Variants in GXYLT2 observed in about 807,000 individuals in gnomAD.
GXYLT2 encodes the protein glycosyltransferase 8 domain containing 4.
A neutral mutation model predicts 45.8 loss-of-function variants in GXYLT2; 53 were observed. The ratio of observed to expected loss-of-function variants is 1.16; its 90% CI spans 0.93 to 1.46. The LOEUF is 1.46. Among genes scored for constraint, GXYLT2 ranks in the 40% most tolerant of loss-of-function variants. GXYLT2 has a pLI of 0.00. For synonymous variants in GXYLT2, 219 were observed against 214.2 expected (o/e 1.02, Z -0.19); for missense variants, 551 against 544.4 (o/e 1.01, Z -0.12).
At chr3:72,913,644 A>G (rs1041655725) in intron 2 of GXYLT2, among the ~76,000 whole-genome samples, 4 of 152,038 alleles carry the variant, frequency 2.6e-5, no homozygotes, top group African/African-American at 7.2e-5. Context: ...GCAGTGAGCC[A>G]AGATTACGCC....
At chr3:72,920,819 T>TATATATA (rs1491486551) in intron 2 of GXYLT2, among the ~76,000 whole-genome samples, 4 of 96,554 alleles carry the variant, frequency 4.1e-5, no homozygotes, top group African/African-American at 2.7e-4. Flanking sequence ...TATATATGTA[T>TATATATA]TTTTTTTTTT....
At chr3:72,955,423 T>A (rs1215483411) in intron 4 of GXYLT2, 74 bp downstream of exon 4, 1 of 1,480,478 alleles carries the variant, frequency 6.8e-7, no homozygotes, top group African/African-American at 1.4e-5. Flanking sequence ...TACCAGAGTG[T>A]CAATATGCTG....
chr3:72,916,572 C>G (rs529465945), intron 2 of GXYLT2, among the ~76,000 whole-genome samples: 164 of 152,204 alleles, frequency 1.1e-3, no homozygotes, highest in African/African-American at 3.8e-3. Flanking sequence ...TAGAGTCTCG[C>G]TCTGTTGCCC....
intron 2 of GXYLT2, among the ~76,000 whole-genome samples, chr3:72,918,001 A>G (rs528983389): frequency 2.6e-4 from 39 of 152,182 alleles, no homozygotes; most frequent in Non-Finnish European, 4.7e-4. Flanking sequence ...GAGTTGACCA[A>G]TGTTTCCTGG....
At chr3:72,949,341 C>T (rs1161677203) in intron 3 of GXYLT2, among the ~76,000 whole-genome samples, 1 of 152,008 alleles carries the variant, frequency 6.6e-6, no homozygotes, top group Non-Finnish European at 1.5e-5. Flanking sequence ...GATGTCACTT[C>T]TGCTGGGAAG....
intron 1 of GXYLT2, among the ~76,000 whole-genome samples, chr3:72,889,907 G>GTTTTTTTTTTTTTT (rs5850087): frequency 8.4e-5 from 10 of 118,792 alleles, no homozygotes; most frequent in South Asian, 3.0e-4. Flanking sequence ...TTTTTTTTTT[G>GTTTTTTTTTTTTTT]TTTTTTTTTT....
chr3:72,972,663 A>C (rs1055269955), intron 6 of GXYLT2, among the ~76,000 whole-genome samples: 6 of 131,844 alleles, frequency 4.6e-5, no homozygotes, highest in Non-Finnish European at 6.6e-5. Context: ...AAAAAAAAAG[A>C]AGCATATATT....
At chr3:72,958,260 G>A (rs1427244141) in intron 5 of GXYLT2, among the ~76,000 whole-genome samples, 5 of 142,740 alleles carry the variant, frequency 3.5e-5, no homozygotes, top group African/African-American at 1.3e-4. Context: ...GCAACAGAGC[G>A]AGACTCTGTC....
At chr3:72,891,682 A>T (rs892726505) in intron 1 of GXYLT2, among the ~76,000 whole-genome samples, 1 of 152,240 alleles carries the variant, frequency 6.6e-6, no homozygotes, top group African/African-American at 2.4e-5. Context: ...GTCTAAGACA[A>T]CGTATAGTAA....
chr3:72,961,359 C>T (rs1410622342), intron 5 of GXYLT2, among the ~76,000 whole-genome samples: 1 of 152,114 alleles, frequency 6.6e-6, no homozygotes, highest in Non-Finnish European at 1.5e-5. Context: ...TAAGTGAGGG[C>T]AGATACTGTA....
At chr3:72,941,870 G>C (rs1282889786) in intron 3 of GXYLT2, among the ~76,000 whole-genome samples, 1 of 152,052 alleles carries the variant, frequency 6.6e-6, no homozygotes, top group Non-Finnish European at 1.5e-5. Context: ...TCCTAGCTCT[G>C]TCTACTGTTA....
In GXYLT2 at chr3:72,947,958, A is replaced by AT. The variant is rs533727825; in HGVS notation, c.601-7139dup. 3.1e-3 allele frequency among the ~76,000 whole-genome samples: 468 copies of AT among 152,336 alleles called. 1 individual carries two copies. Among genetic ancestry groups the AT allele is most frequent in the African/African-American group, 0.011 (448 of 41,570 alleles). ...CATCAGGAAGGCGTAACCATCTCAA[A>AT]TGAGTGTACACTTCATAACAAAGCT... On this transcript the variant is annotated intron_variant, in intron 3 of 6. Transcript: ENST00000389617.
chr3:72,963,500 G>GTT (rs1357255168), intron 5 of GXYLT2, among the ~76,000 whole-genome samples: 22 of 85,882 alleles, frequency 2.6e-4, no homozygotes, highest in South Asian at 1.4e-3. Flanking sequence ...GAGGTCCGGA[G>GTT]TTTTTTGTTT....
chr3:72,947,005 T>G (rs949844203), intron 3 of GXYLT2, among the ~76,000 whole-genome samples: 2 of 151,724 alleles, frequency 1.3e-5, no homozygotes, highest in African/African-American at 2.4e-5. Flanking sequence ...TTACTATTAT[T>G]GCTATTATTA....
chr3:72,966,328 G>A (rs13081666), intron 5 of GXYLT2, among the ~76,000 whole-genome samples: 70,782 of 147,680 alleles, frequency 0.48, 19,572 homozygotes, highest in Non-Finnish European at 0.62. Context: ...TTTTTTGTTT[G>A]TTCTTAATCT....
chr3:72,956,688 A>T (rs1243759029), intron 4 of GXYLT2, among the ~76,000 whole-genome samples: 2 of 152,056 alleles, frequency 1.3e-5, no homozygotes, highest in Non-Finnish European at 2.9e-5. Context: ...CAGGAGTTTG[A>T]TATCAGCCTC....
intron 1 of GXYLT2, among the ~76,000 whole-genome samples, chr3:72,889,149 G>T (rs1476638671): frequency 2.0e-5 from 3 of 149,646 alleles, no homozygotes; most frequent in African/African-American, 7.4e-5. Context: ...CCTTCTGTTT[G>T]ATACTCTCTT....
chr3:72,930,540 C>T (rs989512758), intron 3 of GXYLT2, among the ~76,000 whole-genome samples: 2 of 148,546 alleles, frequency 1.3e-5, no homozygotes, highest in African/African-American at 4.9e-5. Context: ...AATTCATCAA[C>T]AGTAGTAGGA....
At chr3:72,893,054 G>A (rs1175884151) in intron 1 of GXYLT2, among the ~76,000 whole-genome samples, 5 of 152,068 alleles carry the variant, frequency 3.3e-5, no homozygotes, top group Non-Finnish European at 5.9e-5. Context: ...CCACTCTAGC[G>A]CCCTCTACAG....
Sources: gnomAD v4.1 joint callset for allele counts (sites outside exome capture counted in the v4.1 genomes callset) on GRCh38, gnomAD v4.1.1 for gene constraint, MANE v1.5 for transcripts, NCBI Gene and HGNC (gene_info 2026-07-23, HGNC 2026-07-21) for gene names.